Variants in CHLSN observed in about 807,000 individuals in gnomAD.
CHLSN encodes the protein protein cholesin.
At chr7:993,439 C>T in the CHLSN span, among the ~76,000 whole-genome samples, 28 of 152,108 alleles carry the variant, frequency 1.8e-4, no homozygotes, top group Non-Finnish European at 2.2e-4. Flanking sequence ...GAGTGGGGAG[C>T]GGACAGCGCC....
the CHLSN span, chr7:1,055,575 G>A: frequency 2.6e-6 from 1 of 390,682 alleles, no homozygotes. Context: ...ACTCTGTGCA[G>A]CACAGGTGGG....
At chr7:1,055,154 C>G in the CHLSN span, 1 of 442,774 alleles carries the variant, frequency 2.3e-6, no homozygotes, top group East Asian at 7.1e-5. Flanking sequence ...CAGCTGTGCT[C>G]AGTTTGCAGT....
At chr7:986,526 C>A in the CHLSN span, 1 of 1,414,752 alleles carries the variant, frequency 7.1e-7, no homozygotes, top group East Asian at 2.3e-5. Context: ...ACCCAGAGTC[C>A]CTGGGCGTGA....
chr7:1,049,446 G>A, the CHLSN span, among the ~76,000 whole-genome samples: 1 of 152,364 alleles, frequency 6.6e-6, no homozygotes, highest in South Asian at 2.1e-4. Flanking sequence ...CAGCAAGGAT[G>A]TCACCTGCCT....
At chr7:1,113,808 G>A in the CHLSN span, among the ~76,000 whole-genome samples, 1 of 152,216 alleles carries the variant, frequency 6.6e-6, no homozygotes, top group Non-Finnish European at 1.5e-5. Context: ...GCAAGGAGCG[G>A]TGCAGAAACT....
the CHLSN span, among the ~76,000 whole-genome samples, chr7:1,113,680 C>A: frequency 4.6e-5 from 7 of 152,186 alleles, no homozygotes; most frequent in Non-Finnish European, 8.8e-5. Context: ...CCGAGCATTT[C>A]CCAGGACAGA....
At chr7:996,122 C>T in the CHLSN span, among the ~76,000 whole-genome samples, 1 of 152,228 alleles carries the variant, frequency 6.6e-6, no homozygotes, top group African/African-American at 2.4e-5. Flanking sequence ...ACAGTGAGGC[C>T]AGTCACCGCT....
At chr7:984,592 G>T in the CHLSN span, 1 of 1,554,836 alleles carries the variant, frequency 6.4e-7, no homozygotes, top group Admixed American at 1.9e-5. Context: ...TGTGGCCGGC[G>T]CTACGGGGCC....
chr7:988,395 A>AGGC, the CHLSN span: 2 of 1,612,442 alleles, frequency 1.2e-6, no homozygotes, highest in Non-Finnish European at 1.7e-6. Flanking sequence ...GTGAAGCGGG[A>AGGC]GGCCTTCCTG....
chr7:986,348 C>A, the CHLSN span: 1 of 515,528 alleles, frequency 1.9e-6, no homozygotes, highest in Non-Finnish European at 3.5e-6. Context: ...GTTACTTCCA[C>A]TGTGGCAGCT....
At chr7:1,136,341 CAT>C in the CHLSN span, among the ~76,000 whole-genome samples, 1,085 of 78,274 alleles carry the variant, frequency 0.014, 34 homozygotes, top group South Asian at 0.038. Flanking sequence ...AATATATAAA[CAT>C]ATAAATATAT....
At chr7:1,002,691 G>A in the CHLSN span, among the ~76,000 whole-genome samples, 1 of 84,070 alleles carries the variant, frequency 1.2e-5, no homozygotes, top group Non-Finnish European at 2.3e-5. Flanking sequence ...TCCTGCGGGT[G>A]AGTGGAGCCC....
chr7:1,057,916 C>T, the CHLSN span: 39 of 775,146 alleles, frequency 5.0e-5, no homozygotes, highest in Non-Finnish European at 7.4e-5. Flanking sequence ...CGTGCACTGC[C>T]GCGGACCTAC....
chr7:1,113,170 C>T, the CHLSN span, among the ~76,000 whole-genome samples: 1 of 151,714 alleles, frequency 6.6e-6, no homozygotes, highest in Non-Finnish European at 1.5e-5. Flanking sequence ...GCATCCACGT[C>T]GATGTCCTGG....
chr7:1,057,418 CT>C, the CHLSN span: 19 of 630,442 alleles, frequency 3.0e-5, no homozygotes, highest in African/African-American at 2.9e-4. Context: ...GAAGGCACCC[CT>C]GTACCTGCAG....
chr7:1,070,718 ACG>A, the CHLSN span, among the ~76,000 whole-genome samples: 4 of 149,496 alleles, frequency 2.7e-5, no homozygotes, highest in East Asian at 4.0e-4. Context: ...GAACACGCAC[ACG>A]CGCACACATG....
At chr7:1,112,833 G>A in the CHLSN span, among the ~76,000 whole-genome samples, 146 of 152,214 alleles carry the variant, frequency 9.6e-4, 1 homozygote, top group African/African-American at 3.2e-3. Context: ...CAGCGGCTTC[G>A]TAAACATCTA....
chr7:1,116,699 AC>A, the CHLSN span, among the ~76,000 whole-genome samples: 57 of 45,502 alleles, frequency 1.3e-3, 3 homozygotes, highest in African/African-American at 0.012. Context: ...CTACAGCTCT[AC>A]GGACCGGCTT....
chr7:1,061,117 C>G, the CHLSN span, among the ~76,000 whole-genome samples: 1 of 152,212 alleles, frequency 6.6e-6, no homozygotes, highest in Non-Finnish European at 1.5e-5. Context: ...TTACACCATC[C>G]AACTATCCTC....
Sources: gnomAD v4.1 joint callset for allele counts (sites outside exome capture counted in the v4.1 genomes callset) on GRCh38, gnomAD v4.1.1 for gene constraint, MANE v1.5 for transcripts, NCBI Gene and HGNC (gene_info 2026-07-23, HGNC 2026-07-21) for gene names.